Variants in C12orf56 observed in about 807,000 individuals in gnomAD.
C12orf56 encodes the protein uncharacterized protein C12orf56.
A neutral mutation model predicts 69.9 loss-of-function variants in C12orf56; 71 were observed. That is an observed-to-expected ratio of 1.02 (90% CI 0.84 to 1.24). The LOEUF is 1.24. Ranked by LOEUF, C12orf56 falls within the 50% of genes most tolerant of loss-of-function variation. The pLI, the probability that C12orf56 is intolerant of heterozygous loss-of-function variation, is 0.00. For synonymous variants in C12orf56, 276 were observed against 274.1 expected (o/e 1.01, Z -0.07); for missense variants, 732 against 738.5 (o/e 0.99, Z 0.10).
At chr12:64,389,091 A>T (rs1003844123) in intron 1 of C12orf56, 1 of 152,088 alleles carries the variant, frequency 6.6e-6, no homozygotes, top group Non-Finnish European at 1.5e-5. Context: ...CGTCTCGCCA[A>T]CCTCTCCCTT....
In C12orf56 at chr12:64,318,805, T is replaced by A; in HGVS notation, c.664A>T (p.Thr222Ser). ...GKAVSEPSCTTNTKEPQGLPD... is the reference protein window; with the variant it reads ...GKAVSEPSCTSNTKEPQGLPD... Reference sequence around the variant, plus strand: ...AGTCCCTGGGGTTCTTTTGTGTTTGTTGTGCAAGATGGCTCGCTGACAGCC... The same window carrying A: ...AGTCCCTGGGGTTCTTTTGTGTTTGATGTGCAAGATGGCTCGCTGACAGCC... Residue 222 changes from threonine (T) to serine (S), a missense_variant, in exon 4 of 13, where the codon ACA (threonine) becomes TCA (serine). Thr to Ser is a moderately conservative substitution (Grantham distance 58). Transcript: ENST00000543942. 1 of 1,537,224 alleles carries A rather than the reference T, an allele frequency of 6.5e-7. No homozygotes were observed. The highest frequency in any genetic ancestry group is 8.7e-7 in the Non-Finnish European group (1 of 1,146,902).
At chr12:64,303,260 G>A (rs534956690) in intron 6 of C12orf56, among the ~76,000 whole-genome samples, 258 of 151,312 alleles carry the variant, frequency 1.7e-3, no homozygotes, top group Admixed American at 3.3e-3. Flanking sequence ...GGCGACAAGA[G>A]CAAGACTGTC....
At chr12:64,372,698 G>A (rs1354255455) in intron 1 of C12orf56, among the ~76,000 whole-genome samples, 3 of 152,104 alleles carry the variant, frequency 2.0e-5, no homozygotes, top group African/African-American at 7.2e-5. Context: ...ATTTTCAGTA[G>A]AGACGAAGTT....
At chr12:64,356,110 G>C (rs1256701471) in intron 1 of C12orf56, among the ~76,000 whole-genome samples, 1 of 144,022 alleles carries the variant, frequency 6.9e-6, no homozygotes, top group Non-Finnish European at 1.5e-5. Context: ...GTTGCAGTGA[G>C]CCGAGATCGT....
intron 3 of C12orf56, among the ~76,000 whole-genome samples, chr12:64,323,622 G>A (rs182228353): frequency 9.4e-5 from 14 of 148,912 alleles, no homozygotes; most frequent in Non-Finnish European, 1.5e-4. Flanking sequence ...GGAATGCAGT[G>A]GTGTGAGTAG....
chr12:64,335,591 C>T (rs527883404), intron 2 of C12orf56, among the ~76,000 whole-genome samples: 2 of 151,986 alleles, frequency 1.3e-5, no homozygotes, highest in South Asian at 4.2e-4. Flanking sequence ...AAGCACTTCA[C>T]GAGGCTGAGG....
chr12:64,373,891 C>T (rs545906590), intron 1 of C12orf56, among the ~76,000 whole-genome samples: 20 of 152,174 alleles, frequency 1.3e-4, no homozygotes, highest in South Asian at 1.0e-3. Flanking sequence ...AGTAGCTTTT[C>T]CCCAAATTAA....
Position 64,318,711 on chromosome 12 carries a change from C to T in C12orf56, c.758G>A (p.Gly253Glu). 1.3e-6 allele frequency: 2 copies of T among 1,537,180 alleles called. No individual in the cohort carries two copies. Among genetic ancestry groups the T allele is most frequent in the Non-Finnish European group, 1.7e-6 (2 of 1,146,880 alleles). The change falls in exon 4 of 13, where the codon GGA becomes GAA. Residue 253 changes from glycine (G) to glutamate (E), a missense_variant. Coordinates refer to ENST00000543942, the MANE Select transcript of C12orf56 (RefSeq NM_001170633.2). ...TGAAGGGGAATCTAAGAGGGAATTT[C>T]CTAAGTAAAACTCATTTCCATTCCC... Reference protein sequence around the residue: ...CNGNGNEFYLGNSLLDSPSQS... With the variant: ...CNGNGNEFYLENSLLDSPSQS...
intron 2 of C12orf56, among the ~76,000 whole-genome samples, chr12:64,335,874 C>A (rs1292626320): frequency 6.6e-6 from 1 of 152,046 alleles, no homozygotes; most frequent in Non-Finnish European, 1.5e-5. Context: ...CAAAAATATC[C>A]CCTAGGATTT....
At chr12:64,366,341 ATATAT>A (rs1379113104) in intron 1 of C12orf56, among the ~76,000 whole-genome samples, 1 of 89,586 alleles carries the variant, frequency 1.1e-5, no homozygotes, top group Non-Finnish European at 2.1e-5. Context: ...TATACAGTTT[ATATAT>A]TATATATTAT....
At chr12:64,285,528 C>G (rs1003421610) in intron 7 of C12orf56, among the ~76,000 whole-genome samples, 3 of 152,134 alleles carry the variant, frequency 2.0e-5, no homozygotes, top group Non-Finnish European at 2.9e-5. Flanking sequence ...TGGCTCATGT[C>G]TGTAATCCCA....
intron 6 of C12orf56, among the ~76,000 whole-genome samples, chr12:64,293,672 T>C (rs2038326882): frequency 6.6e-6 from 1 of 152,240 alleles, no homozygotes; most frequent in South Asian, 2.1e-4. Context: ...CACTGATTCA[T>C]GAATTTTCAC....
At chr12:64,272,609 T>C (rs938334783) in intron 11 of C12orf56, among the ~76,000 whole-genome samples, 2 of 152,110 alleles carry the variant, frequency 1.3e-5, no homozygotes, top group African/African-American at 2.4e-5. Context: ...AAAGAAACTT[T>C]CCTGTTACGT....
rs561991515 is a variant in C12orf56 at position 64,272,053 on chromosome 12, C to T, written c.1585-1339G>A. 2.5e-4 allele frequency among the ~76,000 whole-genome samples: 38 copies of T among 152,236 alleles called. No homozygotes were observed. The South Asian group carries it at 7.5e-3, about 30-fold the overall frequency. On this transcript the variant is annotated intron_variant, in intron 11 of 12. Coordinates refer to ENST00000543942, the MANE Select transcript of C12orf56 (RefSeq NM_001170633.2). Reference sequence around the variant, plus strand: ...TCCTTTGGTGAACCAACTTTAGAGGCTGGTAAAGAAACTTCCTTTTAGCCA... The same window carrying T: ...TCCTTTGGTGAACCAACTTTAGAGGTTGGTAAAGAAACTTCCTTTTAGCCA...
chr12:64,279,064 C>G (rs905459599), intron 8 of C12orf56, among the ~76,000 whole-genome samples: 179 of 152,140 alleles, frequency 1.2e-3, no homozygotes, highest in African/African-American at 4.1e-3. Flanking sequence ...TAATAATGTA[C>G]AGCATTTCTT....
At position 64,295,364 on chromosome 12, in the gene C12orf56, A is replaced by G. The variant is rs763825429; in HGVS notation, c.1113+8271T>C. 5.3e-5 allele frequency among the ~76,000 whole-genome samples: 8 copies of G among 152,312 alleles called. 1 individual carries two copies. The South Asian group carries it at 8.3e-4, about 16-fold the overall frequency. ...CTAAAACTTGGAGTTTAGTCAATCT[A>G]TGAAAAAGTGTTCTCAGCCTGTGTA... On this transcript the variant is annotated intron_variant, in intron 6 of 12. Transcript: ENST00000543942.
chr12:64,387,055 G>A (rs958577552), intron 1 of C12orf56, among the ~76,000 whole-genome samples: 2 of 105,850 alleles, frequency 1.9e-5, no homozygotes, highest in African/African-American at 7.8e-5. Flanking sequence ...TCCAGCCTGG[G>A]TAACAGAGCG....
intron 2 of C12orf56, among the ~76,000 whole-genome samples, chr12:64,332,231 A>C (rs1302280526): frequency 6.7e-6 from 1 of 148,456 alleles, no homozygotes; most frequent in Non-Finnish European, 1.5e-5. Context: ...TTGAACTAGG[A>C]GAGAGAGGTT....
intron 1 of C12orf56, among the ~76,000 whole-genome samples, chr12:64,369,077 A>G (rs1592495811): frequency 6.6e-6 from 1 of 151,366 alleles, no homozygotes; most frequent in South Asian, 2.1e-4. Context: ...CCAGCACTCT[A>G]GGAAGCTGAG....
Sources: allele counts gnomAD v4.1 joint callset (sites outside exome capture counted in the v4.1 genomes callset), GRCh38; gene constraint gnomAD v4.1.1; transcripts MANE v1.5; gene names NCBI Gene and HGNC (gene_info 2026-07-23, HGNC 2026-07-21).